SMYD4: variants seen among roughly 807,000 people sequenced by gnomAD.
SMYD4 encodes the protein protein-lysine N-methyltransferase SMYD4.
A neutral mutation model predicts 72.8 loss-of-function variants in SMYD4; 68 were observed. That is an observed-to-expected ratio of 0.93 (90% CI 0.77 to 1.14). The LOEUF (loss-of-function observed/expected upper bound fraction) is 1.14, where lower values mean the gene tolerates loss of function less well. Among genes scored for constraint, SMYD4 ranks in the 50% most tolerant of loss-of-function variants. SMYD4 has a pLI of 0.00. For synonymous variants in SMYD4, 407 were observed against 388.6 expected (o/e 1.05, Z -0.56); for missense variants, 984 against 1,003.7 (o/e 0.98, Z 0.27).
chr17:1,814,758 G>C (rs888222539), intron 2 of SMYD4: 2 of 152,164 alleles, frequency 1.3e-5, no homozygotes, highest in Non-Finnish European at 2.9e-5. Context: ...GGGAGGTGAA[G>C]GTTGCAGTGA....
At chr17:1,801,397 C>T (rs937103006) in intron 4 of SMYD4, among the ~76,000 whole-genome samples, 1 of 151,764 alleles carries the variant, frequency 6.6e-6, no homozygotes, top group East Asian at 2.0e-4. Flanking sequence ...CGCCACCACA[C>T]CCAGCTATTT....
chr17:1,812,345 GGTGCC>G (rs1463215884), intron 2 of SMYD4, among the ~76,000 whole-genome samples: 1 of 147,566 alleles, frequency 6.8e-6, no homozygotes, highest in Non-Finnish European at 1.5e-5. Context: ...GGAGTGCCGT[GGTGCC>G]ATCTCCACTC....
intron 2 of SMYD4, among the ~76,000 whole-genome samples, chr17:1,823,301 G>T (rs1324380426): frequency 1.3e-5 from 2 of 149,280 alleles, no homozygotes; most frequent in African/African-American, 2.5e-5. Flanking sequence ...GGCTGAGGCA[G>T]GAGAATGGCA....
chr17:1,824,557 T>C (rs1290880708), intron 2 of SMYD4, among the ~76,000 whole-genome samples: 15 of 152,106 alleles, frequency 9.9e-5, no homozygotes, highest in Admixed American at 7.2e-4. Context: ...GTGGGAGTGG[T>C]TTCCCCATGC....
intron 8 of SMYD4, 144 bp downstream of exon 8, chr17:1,784,182 T>A: frequency 7.7e-7 from 1 of 1,301,702 alleles, no homozygotes; most frequent in African/African-American, 1.5e-5. Context: ...TTGGACTCAC[T>A]GGCCTATATA....
At chr17:1,819,069 G>T (rs759930425) in intron 2 of SMYD4, among the ~76,000 whole-genome samples, 3 of 151,762 alleles carry the variant, frequency 2.0e-5, no homozygotes, top group African/African-American at 7.3e-5. Context: ...TTTTTATTAA[G>T]AATACGGCTG....
At chr17:1,803,943 T>C (rs1597383472) in intron 4 of SMYD4, among the ~76,000 whole-genome samples, 2 of 151,390 alleles carry the variant, frequency 1.3e-5, no homozygotes, top group African/African-American at 4.8e-5. Context: ...TGGTGCGATC[T>C]GGGCTCACTG....
chr17:1,821,672 T>C (rs917728217), intron 2 of SMYD4, among the ~76,000 whole-genome samples: 2 of 152,170 alleles, frequency 1.3e-5, no homozygotes, highest in African/African-American at 4.8e-5. Flanking sequence ...GGCTCACACC[T>C]GTAATCCCAG....
intron 3 of SMYD4, among the ~76,000 whole-genome samples, chr17:1,807,686 A>C (rs1425148626): frequency 6.6e-6 from 1 of 152,166 alleles, no homozygotes; most frequent in Non-Finnish European, 1.5e-5. Context: ...TATGTACTGA[A>C]ATGGAATGAC....
At position 1,827,923 on chromosome 17, in the gene SMYD4, C is replaced by T. The variant is rs370721203; in HGVS notation, c.72G>A (p.Gln24=). The T allele has an allele frequency of 1.8e-4, 293 of 1,613,486 alleles. No homozygotes were observed. Among genetic ancestry groups the T allele is most frequent in the South Asian group, 1.4e-3 (125 of 91,056 alleles). ...QKWASLPTSV[Q]VTISTAETLR... ...AGGTCTCTGCTGTAGAAATTGTGAC[C>T]TGAACAGACGTCGGGAGTGAAGCCC... The change falls in exon 2 of 11, where the codon CAG becomes CAA. Residue 24 remains glutamine, a synonymous_variant. Transcript: ENST00000305513.
At chr17:1,814,380 C>G (rs1207884131) in intron 2 of SMYD4, among the ~76,000 whole-genome samples, 1 of 152,104 alleles carries the variant, frequency 6.6e-6, no homozygotes, top group Non-Finnish European at 1.5e-5. Context: ...TTACAAAGAC[C>G]CACAATAAGG....
intron 5 of SMYD4, among the ~76,000 whole-genome samples, chr17:1,792,064 G>A (rs920423440): frequency 7.9e-5 from 12 of 151,522 alleles, no homozygotes; most frequent in African/African-American, 2.7e-4. Context: ...TTTGAGACGG[G>A]GTCTCGCTCT....
intron 5 of SMYD4, among the ~76,000 whole-genome samples, chr17:1,797,800 G>A (rs1298599797): frequency 7.2e-5 from 11 of 152,060 alleles, no homozygotes; most frequent in Non-Finnish European, 1.6e-4. Context: ...TCAGGAGTTC[G>A]AGACCAGCCT....
intron 2 of SMYD4, among the ~76,000 whole-genome samples, chr17:1,816,658 C>T (rs112581628): frequency 1.3e-5 from 2 of 151,424 alleles, no homozygotes; most frequent in African/African-American, 4.9e-5. Flanking sequence ...ATGGAGTCTC[C>T]CTTTGTCGCC....
chr17:1,794,105 A>ATTTTTTTTT lies in SMYD4; in HGVS notation c.1537+5743_1537+5751dup, dbSNP rs59420310. 5.4e-4 allele frequency among the ~76,000 whole-genome samples: 7 copies of ATTTTTTTTT among 12,990 alleles called. 2 individuals carry two copies. The highest frequency in any genetic ancestry group is 9.6e-4 in the Non-Finnish European group (7 of 7,264). The allele number at this position is 12,990 out of a possible 152,430, so 8.5% of individuals were successfully genotyped here. A position where few individuals can be genotyped will look rare whatever the true frequency, so the allele number is the denominator to read the frequency against. Reference sequence around the variant, plus strand: ...TGTATATATATATATATATATATATATTTTTTTTTTTTTTTTTTTTTTGAG... The same window carrying ATTTTTTTTT: ...TGTATATATATATATATATATATATATTTTTTTTTTTTTTTTTTTTTTTTTTTTTTTGAG... On this transcript the variant is annotated intron_variant, in intron 5 of 10. Coordinates refer to ENST00000305513, the MANE Select transcript of SMYD4 (RefSeq NM_052928.3).
intron 5 of SMYD4, among the ~76,000 whole-genome samples, chr17:1,790,586 A>G (rs1908965648): frequency 6.6e-6 from 1 of 151,804 alleles, no homozygotes; most frequent in African/African-American, 2.4e-5. Flanking sequence ...GCATGATCTC[A>G]TCTCACTGCA....
At chr17:1,782,865 G>A (rs1317677714) in intron 10 of SMYD4, 170 bp downstream of exon 10, 9 of 1,084,882 alleles carry the variant, frequency 8.3e-6, no homozygotes, top group Non-Finnish European at 1.1e-5. Flanking sequence ...CTCCCAGGAG[G>A]AAATTCTAAA....
chr17:1,810,199 C>T (rs1054001867), intron 3 of SMYD4, among the ~76,000 whole-genome samples: 1 of 152,036 alleles, frequency 6.6e-6, no homozygotes, highest in African/African-American at 2.4e-5. Context: ...GCAAGGCAGG[C>T]GAGGGGCCCA....
chr17:1,783,668 G>T, intron 8 of SMYD4, 192 bp from the exon 9 acceptor site: 1 of 1,038,592 alleles, frequency 9.6e-7, no homozygotes, highest in Non-Finnish European at 1.4e-6. Context: ...TGTCAGTGGA[G>T]AAAGGCGCTA....
Sources: gnomAD v4.1 joint callset for allele counts (sites outside exome capture counted in the v4.1 genomes callset) on GRCh38, gnomAD v4.1.1 for gene constraint, MANE v1.5 for transcripts, NCBI Gene and HGNC (gene_info 2026-07-23, HGNC 2026-07-21) for gene names.